Variants in PABPN1L observed in about 807,000 individuals in gnomAD.
PABPN1L encodes the protein PABPN1 like, cytoplasmic.
PABPN1L carries 45 observed loss-of-function variants against 34.0 expected under a neutral mutation model. The observed-to-expected ratio is 1.32, with a 90% CI of 1.04 to 1.70. The LOEUF (loss-of-function observed/expected upper bound fraction) is 1.70. Ranked by LOEUF, PABPN1L falls within the 40% of genes most tolerant of loss-of-function variation. The pLI is 0.00. For missense variants in PABPN1L, 459 were observed against 367.8 expected (o/e 1.25, Z -2.03); for synonymous variants, 182 against 152.1 (o/e 1.20, Z -1.45).
upstream of PABPN1L, among the ~76,000 whole-genome samples, chr16:88,868,535 G>A (rs563191950): frequency 2.4e-3 from 363 of 152,254 alleles, 1 homozygote; most frequent in African/African-American, 8.4e-3. Flanking sequence ...GAACCCGGGA[G>A]GCAGAGGTTG....
chr16:88,869,900 C>T (rs1353100901), upstream of PABPN1L, among the ~76,000 whole-genome samples: 1 of 152,236 alleles, frequency 6.6e-6, no homozygotes, highest in Non-Finnish European at 1.5e-5. Flanking sequence ...TCTTCAAATA[C>T]ACCCTGTTCC....
chr16:88,869,385 G>A (rs558694107), upstream of PABPN1L, among the ~76,000 whole-genome samples: 12 of 152,330 alleles, frequency 7.9e-5, no homozygotes, highest in Admixed American at 5.2e-4. Flanking sequence ...TTCCCCCTGC[G>A]AACACGGTGC....
At chr16:88,865,893 C>T (rs376781736) in exon 2 of PABPN1L, 1 of 1,609,458 alleles carries the variant, frequency 6.2e-7, no homozygotes, top group African/African-American at 1.3e-5. Context: ...CGTGGCGTCC[C>T]CTCGGCCTGC....
chr16:88,869,668 T>A (rs1276056252), upstream of PABPN1L, among the ~76,000 whole-genome samples: 1 of 152,208 alleles, frequency 6.6e-6, no homozygotes, highest in Non-Finnish European at 1.5e-5. Flanking sequence ...TGCCTCCACC[T>A]CCCTGTCAGA....
In PABPN1L at chr16:88,864,084, C is replaced by A. The variant is rs202097150; in HGVS notation, c.797+153G>T. Among the ~76,000 whole-genome samples, 83 of 137,396 alleles carry A rather than the reference C, an allele frequency of 6.0e-4. 2 individuals carry two copies. In the East Asian group the frequency reaches 0.016, roughly 27 times the overall value. 90.1% of individuals were successfully genotyped at this position (137,396 alleles called of 152,430 possible). A position where few individuals can be genotyped will look rare whatever the true frequency, so the allele number is the denominator to read the frequency against. ...GAGAGGCTACAAAAAGCGCCCCCCCCACCAGCTGATGCAGCAGCCACAGCC... is the reference window on the plus strand; with the variant it reads ...GAGAGGCTACAAAAAGCGCCCCCCCAACCAGCTGATGCAGCAGCCACAGCC... On this transcript the variant is annotated intron_variant, in intron 6 of 6. Transcript: ENST00000419291.
At chr16:88,865,453 G>A (rs560451454) in intron 3 of PABPN1L, 110 bp downstream of exon 3, 7 of 1,391,618 alleles carry the variant, frequency 5.0e-6, no homozygotes, top group East Asian at 2.5e-5. Context: ...TGCCCCCAGG[G>A]TCAGACCCCC....
chr16:88,866,388 C>G, exon 1 of PABPN1L: 1 of 1,550,962 alleles, frequency 6.4e-7, no homozygotes, highest in African/African-American at 1.4e-5. Context: ...GGTTCTCTTG[C>G]TCCAGCAGAG....
chr16:88,864,569 G>GGGGGGGGGTC (rs1968539362), intron 5 of PABPN1L, among the ~76,000 whole-genome samples, 190 bp from the exon 6 acceptor site: 1 of 131,832 alleles, frequency 7.6e-6, no homozygotes, highest in African/African-American at 3.2e-5. Flanking sequence ...CACCCCTGCA[G>GGGGGGGGGTC]AGGGGGGGGT....
chr16:88,864,800 G>A (rs1228763668), intron 5 of PABPN1L, 53 bp downstream of exon 5: 17 of 1,515,136 alleles, frequency 1.1e-5, no homozygotes, highest in Non-Finnish European at 1.4e-5. Context: ...CCCAGGGCCA[G>A]TGGGCCAGCC....
At chr16:88,865,880 G>T in exon 2 of PABPN1L, 1 of 1,609,896 alleles carries the variant, frequency 6.2e-7, no homozygotes, top group Non-Finnish European at 8.5e-7. Context: ...CACTCCTGGA[G>T]GCCGTGGCGT....
chr16:88,865,917 C>G (rs1234692598), exon 2 of PABPN1L: 39 of 1,608,616 alleles, frequency 2.4e-5, no homozygotes, highest in Non-Finnish European at 3.1e-5. Flanking sequence ...ATGGCACACA[C>G]CTTCATCTTG....
intron 1 of PABPN1L, 151 bp downstream of exon 1, chr16:88,866,201 G>T (rs1968588680): frequency 1.5e-6 from 2 of 1,322,570 alleles, no homozygotes; most frequent in African/African-American, 3.0e-5. Flanking sequence ...GGGGGCGGGG[G>T]GTCTCCTTGC....
At chr16:88,865,465 T>C (rs1968568598) in intron 3 of PABPN1L, 98 bp downstream of exon 3, 2 of 1,470,024 alleles carry the variant, frequency 1.4e-6, no homozygotes, top group African/African-American at 2.8e-5. Flanking sequence ...CAGACCCCCT[T>C]CCCAGCAAGG....
chr16:88,864,867 C>G, exon 5 of PABPN1L: 1 of 1,600,542 alleles, frequency 6.2e-7, no homozygotes, highest in Non-Finnish European at 8.5e-7. Flanking sequence ...ATGACCCGGC[C>G]CCGGAAGAGG....
chr16:88,867,220 CTTTTTT>C (rs1208230360), upstream of PABPN1L, among the ~76,000 whole-genome samples: 1 of 142,188 alleles, frequency 7.0e-6, no homozygotes, highest in African/African-American at 2.6e-5. Context: ...TATTCTGGGC[CTTTTTT>C]TTTTTTTTCT....
At chr16:88,868,458 T>G (rs1333621746), upstream of PABPN1L, among the ~76,000 whole-genome samples, 1 of 151,804 alleles carries the variant, frequency 6.6e-6, no homozygotes, top group Non-Finnish European at 1.5e-5. Flanking sequence ...CAAAAACAAT[T>G]AGCCAGGCAT....
chr16:88,864,167 C>A, intron 6 of PABPN1L, 70 bp downstream of exon 6: 1 of 1,486,724 alleles, frequency 6.7e-7, no homozygotes. Flanking sequence ...AGCTCAGGGA[C>A]CCCCTCCTGC....
At chr16:88,864,199 C>T (rs747009573) in intron 6 of PABPN1L, 38 bp downstream of exon 6, 2 of 1,532,770 alleles carry the variant, frequency 1.3e-6, no homozygotes, top group South Asian at 1.2e-5. Flanking sequence ...TCCACCATGG[C>T]CCTCGCCCCC....
intron 3 of PABPN1L, 59 bp from the exon 4 acceptor site, chr16:88,865,187 C>T (rs976368571): frequency 3.3e-6 from 5 of 1,511,396 alleles, no homozygotes; most frequent in Middle Eastern, 2.1e-4. Flanking sequence ...TCGGGGCCTT[C>T]TTGTTAGAGG....
Sources: gnomAD v4.1 joint callset for allele counts (sites outside exome capture counted in the v4.1 genomes callset) on GRCh38, gnomAD v4.1.1 for gene constraint, MANE v1.5 for transcripts, NCBI Gene and HGNC (gene_info 2026-07-23, HGNC 2026-07-21) for gene names.